LHFPL3: variants seen among roughly 807,000 people sequenced by gnomAD.
The protein encoded by LHFPL3 is LHFPL tetraspan subfamily member 3 protein.
Under a neutral mutation model 19.3 loss-of-function variants are expected in LHFPL3, and 5 were observed. That is an observed-to-expected ratio of 0.26 (90% confidence interval 0.14 to 0.54). The LOEUF (loss-of-function observed/expected upper bound fraction) is 0.54, where lower values mean the gene tolerates loss of function less well. Ranked by LOEUF, LHFPL3 falls within the 20% of genes least tolerant of loss-of-function variation. LHFPL3 has a pLI of 0.94. For synonymous variants in LHFPL3, 133 were observed against 126.2 expected, an observed-to-expected ratio of 1.05 and a Z score of -0.36; for missense variants, 249 against 307.4, an observed-to-expected ratio of 0.81 and a Z score of 1.42.
At chr7:104,542,946 T>A (rs1794515317) in intron 1 of LHFPL3, among the ~76,000 whole-genome samples, 1 of 152,028 alleles carries the variant, frequency 6.6e-6, no homozygotes, top group Non-Finnish European at 1.5e-5. Flanking sequence ...ATGTGGCACA[T>A]ATACACCATG....
intron 1 of LHFPL3, among the ~76,000 whole-genome samples, chr7:104,645,334 G>A (rs1314712948): frequency 3.9e-5 from 6 of 151,972 alleles, no homozygotes; most frequent in South Asian, 4.2e-4. Flanking sequence ...TTACTATTCC[G>A]CCTATTTATT....
At chr7:104,857,462 GA>G (rs1791530594) in intron 2 of LHFPL3, among the ~76,000 whole-genome samples, 1 of 152,172 alleles carries the variant, frequency 6.6e-6, no homozygotes, top group South Asian at 2.1e-4. Flanking sequence ...GATACAAGAT[GA>G]ATAAATGTGT....
chr7:104,681,638 G>A (rs1792706640), intron 1 of LHFPL3, among the ~76,000 whole-genome samples: 2 of 151,818 alleles, frequency 1.3e-5, no homozygotes, highest in African/African-American at 4.8e-5. Flanking sequence ...AAAAGGAAGG[G>A]AGGGAGGAAG....
At chr7:104,759,551 A>G (rs1794339889) in intron 2 of LHFPL3, among the ~76,000 whole-genome samples, 1 of 152,172 alleles carries the variant, frequency 6.6e-6, no homozygotes, top group African/African-American at 2.4e-5. Context: ...CCACATTTCC[A>G]GTGCTCAATG....
intron 1 of LHFPL3, among the ~76,000 whole-genome samples, chr7:104,584,090 A>C (rs1790516304): frequency 6.6e-6 from 1 of 152,086 alleles, no homozygotes; most frequent in Non-Finnish European, 1.5e-5. Context: ...TGGATTAAGA[A>C]AATGTGGCAC....
intron 1 of LHFPL3, among the ~76,000 whole-genome samples, chr7:104,702,667 C>A (rs1224823595): frequency 2.0e-5 from 3 of 152,222 alleles, no homozygotes; most frequent in Non-Finnish European, 4.4e-5. Flanking sequence ...CTGCAACATG[C>A]ACTCTTAACT....
At chr7:104,360,505 G>A (rs1790370760) in intron 1 of LHFPL3, among the ~76,000 whole-genome samples, 1 of 152,162 alleles carries the variant, frequency 6.6e-6, no homozygotes, top group East Asian at 1.9e-4. Flanking sequence ...GTAGGAGGTT[G>A]GGAAAAAGCA....
chr7:104,736,309 G>A (rs1033764526), intron 1 of LHFPL3, among the ~76,000 whole-genome samples: 1 of 152,142 alleles, frequency 6.6e-6, no homozygotes, highest in Non-Finnish European at 1.5e-5. Context: ...ATTTTGCAGT[G>A]TTATGATTCC....
At chr7:104,739,615 T>C (rs1260455472) in intron 2 of LHFPL3, among the ~76,000 whole-genome samples, 1 of 150,872 alleles carries the variant, frequency 6.6e-6, no homozygotes, top group Admixed American at 6.6e-5. Context: ...CTGTTCTTGT[T>C]TTGGATTTCA....
At chr7:104,740,125 A>T (rs1216471200) in intron 2 of LHFPL3, among the ~76,000 whole-genome samples, 1 of 152,150 alleles carries the variant, frequency 6.6e-6, no homozygotes, top group Non-Finnish European at 1.5e-5. Context: ...TCCTGCTGCC[A>T]TGTGAAGAAG....
chr7:104,497,309 G>GA (rs34908934), intron 1 of LHFPL3, among the ~76,000 whole-genome samples: 13,905 of 96,638 alleles, frequency 0.14, 732 homozygotes, highest in Non-Finnish European at 0.18. Context: ...TTGAGAAAAG[G>GA]AAAAAAAAAA....
chr7:104,514,628 G>A (rs1038112950), intron 1 of LHFPL3, among the ~76,000 whole-genome samples: 1 of 152,172 alleles, frequency 6.6e-6, no homozygotes, highest in Non-Finnish European at 1.5e-5. Context: ...GACCTTGGCA[G>A]GTCACAAGTC....
chr7:104,363,691 C>T (rs977865487), intron 1 of LHFPL3, among the ~76,000 whole-genome samples: 2 of 152,176 alleles, frequency 1.3e-5, no homozygotes, highest in Admixed American at 6.5e-5. Flanking sequence ...CCACAGATGC[C>T]TCATTTAACC....
chr7:104,844,503 A>G (rs1445201998), intron 2 of LHFPL3, among the ~76,000 whole-genome samples: 1 of 152,200 alleles, frequency 6.6e-6, no homozygotes, highest in African/African-American at 2.4e-5. Flanking sequence ...ACTTGGAACT[A>G]TTGCTCTATC....
intron 1 of LHFPL3, among the ~76,000 whole-genome samples, chr7:104,472,564 TG>T (rs1421826288): frequency 1.3e-5 from 2 of 152,208 alleles, no homozygotes; most frequent in African/African-American, 4.8e-5. Flanking sequence ...TGCAGGAACG[TG>T]GGTTCCTGAG....
At chr7:104,897,535 T>A (rs1216793802) in intron 2 of LHFPL3, among the ~76,000 whole-genome samples, 1 of 152,220 alleles carries the variant, frequency 6.6e-6, no homozygotes, top group Non-Finnish European at 1.5e-5. Context: ...GACCATAGGT[T>A]CACATGCTGA....
At chr7:104,749,655 A>G (rs1794123839) in intron 2 of LHFPL3, among the ~76,000 whole-genome samples, 1 of 152,302 alleles carries the variant, frequency 6.6e-6, no homozygotes, top group African/African-American at 2.4e-5. Flanking sequence ...AAGTCAGTTA[A>G]CATATGCCAT....
chr7:104,370,595 G>A (rs1356004629), intron 1 of LHFPL3, among the ~76,000 whole-genome samples: 2 of 152,194 alleles, frequency 1.3e-5, no homozygotes, highest in Non-Finnish European at 2.9e-5. Flanking sequence ...TTAAAGATGA[G>A]GATAGGGCCG....
chr7:104,839,955 C>A, intron 2 of LHFPL3, among the ~76,000 whole-genome samples: 1 of 151,922 alleles, frequency 6.6e-6, no homozygotes, highest in African/African-American at 2.4e-5. Context: ...TTTTTGTTTC[C>A]TAATCTCAAA....
Sources: gnomAD v4.1 joint callset for allele counts (sites outside exome capture counted in the v4.1 genomes callset) on GRCh38, gnomAD v4.1.1 for gene constraint, MANE v1.5 for transcripts, NCBI Gene and HGNC (gene_info 2026-07-23, HGNC 2026-07-21) for gene names.